The following TENM4 variants were observed in gnomAD, a reference collection of about 807,000 sequenced individuals.
TENM4 encodes the protein teneurin-4.
A neutral mutation model predicts 243.3 loss-of-function variants in TENM4; 82 were observed. The ratio of observed to expected loss-of-function variants is 0.34; its 90% CI spans 0.28 to 0.40. TENM4 has a LOEUF of 0.40. Among genes scored for constraint, TENM4 ranks in the 10% least tolerant of loss-of-function variants. The pLI is 1.00. For missense variants in TENM4, 3,138 were observed against 3,673.3 expected (o/e 0.85, Z 3.77); for synonymous variants, 1,412 against 1,456.3 (o/e 0.97, Z 0.69).
chr11:78,896,782 C>T (rs1421206521), intron 7 of TENM4, among the ~76,000 whole-genome samples: 1 of 152,112 alleles, frequency 6.6e-6, no homozygotes, highest in Non-Finnish European at 1.5e-5. Flanking sequence ...AGCCAGCCAG[C>T]CTGGGGATGG....
chr11:79,093,826 T>A (rs1258158153), intron 4 of TENM4: 1 of 152,196 alleles, frequency 6.6e-6, no homozygotes, highest in Admixed American at 6.5e-5. Context: ...AAACACTAAA[T>A]AAGACTTGCC....
intron 1 of TENM4, among the ~76,000 whole-genome samples, chr11:79,337,107 G>A (rs2135454428): frequency 6.6e-6 from 1 of 152,346 alleles, no homozygotes; most frequent in Middle Eastern, 3.4e-3. Context: ...AAAAGTTTAA[G>A]TTTTGTCAGC....
chr11:79,342,542 A>G (rs1857259253), intron 1 of TENM4, among the ~76,000 whole-genome samples: 1 of 152,076 alleles, frequency 6.6e-6, no homozygotes, highest in African/African-American at 2.4e-5. Context: ...TGTGTCTAGG[A>G]GCTGAACATC....
chr11:78,817,894 T>C lies in TENM4; in HGVS notation c.1682-3499A>G, dbSNP rs78528742. Among the ~76,000 whole-genome samples, 453 of 152,224 alleles carry C rather than the reference T, an allele frequency of 3.0e-3. 2 individuals are homozygous for C. Among genetic ancestry groups the C allele is most frequent in the African/African-American group, 0.011 (439 of 41,530 alleles). On this transcript the variant is annotated intron_variant, in intron 12 of 33. Coordinates refer to ENST00000278550, the MANE Select transcript of TENM4 (RefSeq NM_001098816.3). ...TTCCTGCTTGGCAACTTCTATTCCT[T>C]CTTTCAAATCCAGTTCAAATGCCAC...
At chr11:78,734,666 T>C (rs7951937) in intron 20 of TENM4, among the ~76,000 whole-genome samples, 1 of 151,988 alleles carries the variant, frequency 6.6e-6, no homozygotes, top group African/African-American at 2.4e-5. Flanking sequence ...TATCAAACTG[T>C]ATAGCTCAAA....
intron 7 of TENM4, among the ~76,000 whole-genome samples, chr11:78,891,922 T>C (rs535959964): frequency 6.6e-6 from 1 of 152,322 alleles, no homozygotes; most frequent in Non-Finnish European, 1.5e-5. Flanking sequence ...TCTCCAACTT[T>C]CTGGAGAGCT....
chr11:79,048,710 T>G (rs1441656514), intron 6 of TENM4, among the ~76,000 whole-genome samples: 3 of 152,202 alleles, frequency 2.0e-5, no homozygotes, highest in African/African-American at 7.2e-5. Flanking sequence ...GCAACACCTC[T>G]GGGCCTTTTC....
intron 3 of TENM4, among the ~76,000 whole-genome samples, chr11:79,211,863 A>G (rs1360491134): frequency 1.3e-5 from 2 of 152,206 alleles, no homozygotes; most frequent in Non-Finnish European, 2.9e-5. Flanking sequence ...GTTTGAGCAC[A>G]GGTGCTTTAG....
chr11:78,915,754 T>C (rs1248969684), intron 6 of TENM4, among the ~76,000 whole-genome samples: 1 of 152,200 alleles, frequency 6.6e-6, no homozygotes, highest in East Asian at 1.9e-4. Context: ...ATTTTCCAAA[T>C]TCTAACCCCA....
At chr11:78,912,664 A>C (rs1856216743) in intron 6 of TENM4, among the ~76,000 whole-genome samples, 1 of 152,210 alleles carries the variant, frequency 6.6e-6, no homozygotes, top group South Asian at 2.1e-4. Flanking sequence ...GTTCTCTAGG[A>C]TAGGACTGGG....
At chr11:78,933,990 C>T (rs1382701168) in intron 6 of TENM4, among the ~76,000 whole-genome samples, 4 of 152,198 alleles carry the variant, frequency 2.6e-5, no homozygotes, top group Admixed American at 2.0e-4. Flanking sequence ...GGGATTCTAG[C>T]ACAAGGGTGC....
At chr11:79,086,720 G>C (rs1426181501) in intron 4 of TENM4, among the ~76,000 whole-genome samples, 1 of 151,228 alleles carries the variant, frequency 6.6e-6, no homozygotes, top group East Asian at 2.0e-4. Flanking sequence ...TGTAGTCCCA[G>C]CTGCTTGGGA....
chr11:78,696,088 T>C (rs1344815633), intron 28 of TENM4, among the ~76,000 whole-genome samples: 2 of 152,154 alleles, frequency 1.3e-5, no homozygotes, highest in Admixed American at 6.5e-5. Context: ...CTCTTTTTTT[T>C]CCTCTCTGTA....
chr11:78,955,191 C>T (rs143421281), intron 6 of TENM4, among the ~76,000 whole-genome samples: 1 of 152,222 alleles, frequency 6.6e-6, no homozygotes, highest in African/African-American at 2.4e-5. Flanking sequence ...TCTCCCTGAG[C>T]CTGTTTCTCA....
chr11:79,275,065 C>T (rs1856030194), intron 2 of TENM4, among the ~76,000 whole-genome samples: 1 of 152,158 alleles, frequency 6.6e-6, no homozygotes, highest in Non-Finnish European at 1.5e-5. Flanking sequence ...TTGAAGATGT[C>T]TTTGTGGTCA....
At chr11:78,844,822 G>C (rs541304992) in intron 12 of TENM4, among the ~76,000 whole-genome samples, 1 of 152,294 alleles carries the variant, frequency 6.6e-6, no homozygotes, top group East Asian at 1.9e-4. Flanking sequence ...TCAGAACTGT[G>C]AGAAATAAAT....
intron 1 of TENM4, among the ~76,000 whole-genome samples, chr11:79,436,935 T>G (rs774665611): frequency 1.3e-5 from 2 of 152,184 alleles, no homozygotes; most frequent in African/African-American, 2.4e-5. Context: ...AAATAAAAGC[T>G]TCCCCGAATT....
intron 1 of TENM4, among the ~76,000 whole-genome samples, chr11:79,329,780 A>G (rs1432873812): frequency 6.6e-6 from 1 of 152,222 alleles, no homozygotes; most frequent in African/African-American, 2.4e-5. Context: ...TTGGCAGGGC[A>G]GGTAGAGTAG....
chr11:78,963,082 T>G (rs1331778636), intron 6 of TENM4, among the ~76,000 whole-genome samples: 1 of 152,230 alleles, frequency 6.6e-6, no homozygotes, highest in Non-Finnish European at 1.5e-5. Flanking sequence ...ATTGTAGAAG[T>G]ATTTGTTGAC....
Sources: gnomAD v4.1 joint callset for allele counts (sites outside exome capture counted in the v4.1 genomes callset) on GRCh38, gnomAD v4.1.1 for gene constraint, MANE v1.5 for transcripts, NCBI Gene and HGNC (gene_info 2026-07-23, HGNC 2026-07-21) for gene names.